Variants in PIP4K2B observed in about 807,000 individuals in gnomAD.
The protein encoded by PIP4K2B is phosphatidylinositol 5-phosphate 4-kinase type-2 beta.
Under a neutral mutation model 42.0 loss-of-function variants are expected in PIP4K2B, and 3 were observed. The observed-to-expected ratio is 0.07, with a 90% CI of 0.03 to 0.18. PIP4K2B has a LOEUF of 0.18. Ranked by LOEUF, PIP4K2B falls within the 10% of genes least tolerant of loss-of-function variation. The probability of loss-of-function intolerance (pLI) is 1.00; values close to 1 mark genes in which losing one functional copy is unlikely to be tolerated. For missense variants in PIP4K2B, 332 were observed against 562.3 expected, an observed-to-expected ratio of 0.59 and a Z score of 4.14; for synonymous variants, 204 against 210.1, an observed-to-expected ratio of 0.97 and a Z score of 0.25.
At chr17:38,784,820 G>A (rs766354328) in intron 2 of PIP4K2B, among the ~76,000 whole-genome samples, 7 of 152,142 alleles carry the variant, frequency 4.6e-5, no homozygotes, top group Non-Finnish European at 7.3e-5. Flanking sequence ...ACTCTCACCC[G>A]CTGGGCCATA....
chr17:38,786,682 T>C, intron 2 of PIP4K2B, 141 bp downstream of exon 2: 1 of 697,946 alleles, frequency 1.4e-6, no homozygotes, highest in Non-Finnish European at 2.6e-6. Context: ...CTAGCCAGTT[T>C]GTCCGCTCTG....
chr17:38,777,930 C>T, intron 6 of PIP4K2B, 130 bp from the exon 7 acceptor site: 1 of 594,432 alleles, frequency 1.7e-6, no homozygotes, highest in South Asian at 1.7e-5. Context: ...CCTCAACCTG[C>T]TAAATCAGCA....
chr17:38,782,352 G>A lies in PIP4K2B; in HGVS notation c.355-1748C>T, dbSNP rs143551559. Among the ~76,000 whole-genome samples, 476 of 152,314 alleles carry A rather than the reference G, an allele frequency of 3.1e-3. 5 individuals are homozygous for A. The highest frequency in any genetic ancestry group is 0.011 in the African/African-American group (454 of 41,562). ...ATTTCAGTCTTGAGCACGGGCATGC[G>A]CCCACAAGGCTACTAGGGGCAAAAT... is the stretch of plus-strand genomic sequence containing the variant. On this transcript the variant is annotated intron_variant, in intron 3 of 9. Transcript: ENST00000619039.
intron 7 of PIP4K2B, chr17:38,776,197 T>C: frequency 3.0e-6 from 1 of 328,902 alleles, no homozygotes; most frequent in South Asian, 2.3e-5. Flanking sequence ...CTCAAACTCC[T>C]GACCTCAGAA....
rs147000722 is a variant in PIP4K2B at position 38,767,084 on chromosome 17, G to A, written c.*2607C>T. ...ACCCAACATTATTCTGAGATGCCATGAGACTGTTTAGCTTTTCTTCATGGC... is the reference window on the plus strand; with the variant it reads ...ACCCAACATTATTCTGAGATGCCATAAGACTGTTTAGCTTTTCTTCATGGC... On this transcript the variant is annotated 3_prime_UTR_variant, in exon 10 of 10. Coordinates refer to ENST00000619039, the MANE Select transcript of PIP4K2B (RefSeq NM_003559.5). The A allele has an allele frequency of 8.3e-4, 127 of 152,346 alleles. No homozygotes were observed. The highest frequency in any genetic ancestry group is 2.7e-3 in the African/African-American group (114 of 41,572). The allele number at this position is 152,346 out of a possible 1,614,324, so 9.4% of individuals were successfully genotyped here. A position where few individuals can be genotyped will look rare whatever the true frequency, so the allele number is the denominator to read the frequency against.
Position 38,786,870 on chromosome 17 carries a change from G to A in PIP4K2B, c.210C>T (p.Asp70=). 1.2e-6 allele frequency: 2 copies of A among 1,613,520 alleles called. No homozygotes were observed. The highest frequency in any genetic ancestry group is 1.7e-6 in the Non-Finnish European group (2 of 1,179,432). ...CCTTGATCTTGCTGTAGGCTTTGAA[G>A]TCATCTGGCATTAGCATGACAGGAA... The part of the protein sequence containing the change: ...VPVPVMLMPD[D]FKAYSKIKVD... Residue 70 remains aspartate, a synonymous_variant, in exon 2 of 10, where the codon GAC becomes GAT. Coordinates refer to ENST00000619039, the MANE Select transcript of PIP4K2B (RefSeq NM_003559.5).
chr17:38,771,546 C>CAAAAAAA (rs58817119), intron 7 of PIP4K2B, among the ~76,000 whole-genome samples: 1 of 39,774 alleles, frequency 2.5e-5, no homozygotes, highest in African/African-American at 9.8e-5. Flanking sequence ...GAGATGGTCT[C>CAAAAAAA]AAAAAAAAAA....
At chr17:38,779,966 C>A (rs190970367) in intron 4 of PIP4K2B, 176 of 185,060 alleles carry the variant, frequency 9.5e-4, no homozygotes, top group Non-Finnish European at 1.4e-3. Flanking sequence ...ATCCAAAGCT[C>A]TTATCCATGC....
At chr17:38,790,085 G>A (rs1910264815) in intron 1 of PIP4K2B, among the ~76,000 whole-genome samples, 2 of 152,132 alleles carry the variant, frequency 1.3e-5, no homozygotes, top group South Asian at 2.1e-4. Flanking sequence ...CTTAAAATAC[G>A]CACACTTAAT....
chr17:38,781,559 C>G (rs919390796), intron 3 of PIP4K2B, among the ~76,000 whole-genome samples: 2 of 152,194 alleles, frequency 1.3e-5, no homozygotes, highest in African/African-American at 4.8e-5. Context: ...CTCTGTCACC[C>G]AAGCTGGAGT....
chr17:38,787,029 CCTCT>C (rs370281338), intron 1 of PIP4K2B, 109 bp from the exon 2 acceptor site: 49 of 785,122 alleles, frequency 6.2e-5, no homozygotes, highest in South Asian at 3.2e-4. Flanking sequence ...TCCAAGTTTC[CCTCT>C]CTGTCTTTTT....
At chr17:38,771,698 A>C (rs929185471) in intron 7 of PIP4K2B, among the ~76,000 whole-genome samples, 1 of 152,150 alleles carries the variant, frequency 6.6e-6, no homozygotes, top group Non-Finnish European at 1.5e-5. Context: ...CGAGCACTGC[A>C]GGAAGAGGGA....
In PIP4K2B at chr17:38,767,767, A is replaced by G. The variant is rs1320204050; in HGVS notation, c.*1924T>C. The G allele has an allele frequency of 2.6e-5, 4 of 152,240 alleles. No homozygotes were observed. The highest frequency in any genetic ancestry group is 9.6e-5 in the African/African-American group (4 of 41,454). 9.4% of individuals were successfully genotyped at this position (152,240 alleles called of 1,614,324 possible). A position where few individuals can be genotyped will look rare whatever the true frequency, so the allele number is the denominator to read the frequency against. On this transcript the variant is annotated 3_prime_UTR_variant, in exon 10 of 10. Transcript: ENST00000619039. ...TTCCATTCTTCATTATGACGTGGGG[A>G]AATCAAGTCCAAACATTATTCCTAC...
intron 1 of PIP4K2B, among the ~76,000 whole-genome samples, chr17:38,789,061 G>A (rs896242965): frequency 1.3e-5 from 2 of 152,160 alleles, no homozygotes; most frequent in South Asian, 4.1e-4. Flanking sequence ...TGAGGTTACA[G>A]TGAGCTGACT....
intron 2 of PIP4K2B, among the ~76,000 whole-genome samples, chr17:38,786,056 A>G (rs1909994161): frequency 6.6e-6 from 1 of 152,320 alleles, no homozygotes; most frequent in South Asian, 2.1e-4. Context: ...TCTCAAGTCA[A>G]TCTTCTCCTC....
chr17:38,783,382 T>A (rs761504825), intron 3 of PIP4K2B, among the ~76,000 whole-genome samples: 1 of 152,080 alleles, frequency 6.6e-6, no homozygotes, highest in Non-Finnish European at 1.5e-5. Flanking sequence ...CTGGGATTGA[T>A]TCCTCCCAAC....
At chr17:38,798,841 T>C (rs1910790220) in intron 1 of PIP4K2B, among the ~76,000 whole-genome samples, 1 of 152,118 alleles carries the variant, frequency 6.6e-6, no homozygotes, top group Admixed American at 6.5e-5. Context: ...AGAGGACTAT[T>C]TGGGCAGACC....
rs1344713303 is a variant in PIP4K2B, at chr17:38,766,578, GAAAGAGTCA to G, written c.*3104_*3112del. ...TTTGAGGCCAAAAGCACAGGCAAGAGAAAGAGTCAAGTAGGGAGAGGGGATAAAGAGCTG... is the reference window on the plus strand; with the variant it reads ...TTTGAGGCCAAAAGCACAGGCAAGAGAGTAGGGAGAGGGGATAAAGAGCTG... On this transcript the variant is annotated 3_prime_UTR_variant, in exon 10 of 10. Transcript: ENST00000619039. The G allele has an allele frequency of 6.5e-6, 1 of 152,740 alleles. No homozygotes were observed. 9.5% of individuals were successfully genotyped at this position (152,740 alleles called of 1,614,324 possible). A position where few individuals can be genotyped will look rare whatever the true frequency, so the allele number is the denominator to read the frequency against.
chr17:38,773,270 G>GA (rs1909147424), intron 7 of PIP4K2B, among the ~76,000 whole-genome samples: 1 of 151,378 alleles, frequency 6.6e-6, no homozygotes, highest in East Asian at 1.9e-4. Context: ...GGTAAAAATA[G>GA]AAAAAAAAGG....
Sources: gnomAD v4.1 joint callset for allele counts (sites outside exome capture counted in the v4.1 genomes callset) on GRCh38, gnomAD v4.1.1 for gene constraint, MANE v1.5 for transcripts, NCBI Gene and HGNC (gene_info 2026-07-23, HGNC 2026-07-21) for gene names.